FBN2: variants seen among roughly 807,000 people sequenced by gnomAD.
FBN2 encodes fibrillin 2.
FBN2 carries 105 observed loss-of-function variants against 355.6 expected under a neutral mutation model. That is an observed-to-expected ratio of 0.30 (90% confidence interval 0.25 to 0.35). FBN2 has a LOEUF of 0.35. FBN2 is among the 10% of genes least tolerant of loss of function. The pLI is 1.00. For missense variants in FBN2, 3,280 were observed against 3,758.7 expected (o/e 0.87, Z 3.33); for synonymous variants, 1,350 against 1,301.2 (o/e 1.04, Z -0.81).
At chr5:128,498,973 T>C (rs1446605691) in intron 5 of FBN2, among the ~76,000 whole-genome samples, 1 of 152,216 alleles carries the variant, frequency 6.6e-6, no homozygotes, top group Non-Finnish European at 1.5e-5. Context: ...TTTTAAAGTT[T>C]ATTTGGGTTA....
intron 11 of FBN2, among the ~76,000 whole-genome samples, chr5:128,384,739 G>A (rs1355489838): frequency 6.6e-6 from 1 of 151,924 alleles, no homozygotes; most frequent in Admixed American, 6.6e-5. Flanking sequence ...TGGCACCTGG[G>A]GACCAAAAAT....
intron 5 of FBN2, among the ~76,000 whole-genome samples, chr5:128,476,508 AT>A (rs993289280): frequency 3.3e-5 from 5 of 152,124 alleles, no homozygotes; most frequent in African/African-American, 1.2e-4. Context: ...CCAAAAGGTA[AT>A]TCCAAAAGTA....
intron 40 of FBN2, 141 bp downstream of exon 40, chr5:128,309,842 C>T: frequency 1.0e-6 from 1 of 960,870 alleles, no homozygotes; most frequent in Non-Finnish European, 1.7e-6. Context: ...TGATACTAAG[C>T]CAGCAGCTTG....
In FBN2 at chr5:128,374,757, A is replaced by C; in HGVS notation, c.1973-7T>G. 1.2e-6 allele frequency: 2 copies of C among 1,613,828 alleles called. No individual in the cohort carries two copies. Among genetic ancestry groups the C allele is most frequent in the Middle Eastern group, 1.7e-4 (1 of 6,058 alleles). On this transcript the variant is annotated splice_polypyrimidine_tract_variant and splice_region_variant and intron_variant, in intron 14 of 64. Coordinates refer to ENST00000262464, the MANE Select transcript of FBN2 (RefSeq NM_001999.4). ...GTCTGGCATTCATCAACATCTGTGCAGTGGGTGACAGAAGCCAAGCAGTTA... is the reference window on the plus strand; with the variant it reads ...GTCTGGCATTCATCAACATCTGTGCCGTGGGTGACAGAAGCCAAGCAGTTA...
At chr5:128,437,819 T>TAGATAGATAGACAGAC (rs758049803) in intron 7 of FBN2, among the ~76,000 whole-genome samples, 4 of 107,992 alleles carry the variant, frequency 3.7e-5, no homozygotes, top group African/African-American at 1.0e-4. Flanking sequence ...GATAGATAGA[T>TAGATAGATAGACAGAC]AGACAGACAG....
intron 8 of FBN2, among the ~76,000 whole-genome samples, chr5:128,406,879 T>C (rs1472621667): frequency 6.6e-6 from 1 of 152,220 alleles, no homozygotes; most frequent in East Asian, 1.9e-4. Context: ...TCAAACTTAC[T>C]ACACAGTGAG....
chr5:128,398,999 C>A (rs1035392559), intron 8 of FBN2, among the ~76,000 whole-genome samples: 1 of 152,176 alleles, frequency 6.6e-6, no homozygotes, highest in South Asian at 2.1e-4. Flanking sequence ...GTAAATTGCC[C>A]AGTCTCGGGT....
intron 7 of FBN2, among the ~76,000 whole-genome samples, chr5:128,409,311 G>A (rs1403908460): frequency 6.6e-6 from 1 of 152,158 alleles, no homozygotes; most frequent in Non-Finnish European, 1.5e-5. Context: ...TGACATTCTG[G>A]GAACAACTTC....
At chr5:128,362,264 T>C (rs1399583302) in intron 18 of FBN2, among the ~76,000 whole-genome samples, 1 of 152,230 alleles carries the variant, frequency 6.6e-6, no homozygotes, top group Non-Finnish European at 1.5e-5. Flanking sequence ...TTAAAAAGAA[T>C]GCCTTATGTC....
chr5:128,325,646 G>A (rs926481433), intron 34 of FBN2, among the ~76,000 whole-genome samples: 1 of 152,134 alleles, frequency 6.6e-6, no homozygotes, highest in African/African-American at 2.4e-5. Context: ...GCAGGAAAAT[G>A]TTTGGTTGTT....
rs1752034250 is a variant in FBN2 at position 128,374,662 on chromosome 5, G to A, written c.2061C>T (p.Gly687=). 1.9e-6 allele frequency: 3 copies of A among 1,613,958 alleles called. No homozygotes were observed. In the African/African-American group the frequency reaches 4.0e-5, roughly 22 times the overall value. ...CACGTCCATCCATGCCCACAGCCAGGCCTGGGGGACAGTCACAGCGGAAGG... is the reference window on the plus strand; with the variant it reads ...CACGTCCATCCATGCCCACAGCCAGACCTGGGGGACAGTCACAGCGGAAGG... The part of the protein sequence containing the change: ...EGSFRCDCPP[G]LAVGMDGRVC... The change falls in exon 15 of 65, where the codon GGC becomes GGT. Residue 687 remains glycine, a synonymous_variant. Coordinates refer to ENST00000262464, the MANE Select transcript of FBN2 (RefSeq NM_001999.4).
At chr5:128,378,058 T>A (rs1322618358) in intron 12 of FBN2, among the ~76,000 whole-genome samples, 181 bp from the exon 13 acceptor site, 1 of 149,486 alleles carries the variant, frequency 6.7e-6, no homozygotes. Context: ...TTACAGCTCT[T>A]ATAGTAGCTG....
chr5:128,263,104 C>T lies in FBN2; in HGVS notation c.8192+321G>A, dbSNP rs116725839. 2.6e-3 allele frequency among the ~76,000 whole-genome samples: 389 copies of T among 152,274 alleles called. 1 individual carries two copies. Among genetic ancestry groups the T allele is most frequent in the African/African-American group, 8.4e-3 (351 of 41,568 alleles). Reference sequence around the variant, plus strand: ...CTCACAGCCCAGGTATCCATGGCAACGTGTGAGCCGCATTTTTAAGCATCT... The same window carrying T: ...CTCACAGCCCAGGTATCCATGGCAATGTGTGAGCCGCATTTTTAAGCATCT... On this transcript the variant is annotated intron_variant, in intron 63 of 64. Coordinates refer to ENST00000262464, the MANE Select transcript of FBN2 (RefSeq NM_001999.4).
chr5:128,536,625 C>T (rs766404831), intron 1 of FBN2, 141 bp from the exon 2 acceptor site: 314 of 717,662 alleles, frequency 4.4e-4, no homozygotes, highest in Middle Eastern at 2.5e-3. Flanking sequence ...TATTGGAGAT[C>T]GGGAGGCAGA....
chr5:128,287,484 G>A, intron 53 of FBN2, 54 bp from the exon 54 acceptor site: 2 of 1,599,144 alleles, frequency 1.3e-6, no homozygotes, highest in Non-Finnish European at 1.7e-6. Flanking sequence ...AATTATTTGT[G>A]TAACTAAATG....
At chr5:128,352,083 A>C (rs1030758113) in intron 20 of FBN2, among the ~76,000 whole-genome samples, 3 of 152,194 alleles carry the variant, frequency 2.0e-5, no homozygotes, top group African/African-American at 7.2e-5. Flanking sequence ...GCTGAAGATA[A>C]TTATTTGATG....
At chr5:128,414,986 C>T (rs564151999) in intron 7 of FBN2, among the ~76,000 whole-genome samples, 3 of 152,018 alleles carry the variant, frequency 2.0e-5, no homozygotes, top group Non-Finnish European at 2.9e-5. Flanking sequence ...ATGTTTTTAA[C>T]GAATGAGTTA....
At chr5:128,472,115 G>A (rs1303042577) in intron 5 of FBN2, among the ~76,000 whole-genome samples, 2 of 152,234 alleles carry the variant, frequency 1.3e-5, no homozygotes, top group African/African-American at 2.4e-5. Context: ...CAACTTAAGC[G>A]TCCACTGACA....
At chr5:128,315,843 C>T (rs561835384) in intron 36 of FBN2, among the ~76,000 whole-genome samples, 3 of 152,276 alleles carry the variant, frequency 2.0e-5, no homozygotes, top group Admixed American at 6.5e-5. Context: ...CCTTTGTCTA[C>T]GGAAATACAC....
Sources: allele counts gnomAD v4.1 joint callset (sites outside exome capture counted in the v4.1 genomes callset), GRCh38; gene constraint gnomAD v4.1.1; transcripts MANE v1.5; gene names NCBI Gene and HGNC (gene_info 2026-07-23, HGNC 2026-07-21).